The following SCAPER variants were observed in gnomAD, a reference collection of about 807,000 sequenced individuals.
SCAPER encodes the protein S phase cyclin A-associated protein in the endoplasmic reticulum.
A neutral mutation model predicts 182.2 loss-of-function variants in SCAPER; 98 were observed. That is an observed-to-expected ratio of 0.54 (90% CI 0.46 to 0.64). SCAPER has a LOEUF of 0.64. SCAPER is among the 30% of genes least tolerant of loss of function. The probability of loss-of-function intolerance (pLI) is 0.00; values close to 1 mark genes in which losing one functional copy is unlikely to be tolerated. For missense variants in SCAPER, 1,432 were observed against 1,690.0 expected (o/e 0.85, Z 2.68); for synonymous variants, 605 against 564.6 (o/e 1.07, Z -1.01).
chr15:76,362,036 A>T (rs924428124), intron 29 of SCAPER, among the ~76,000 whole-genome samples: 3 of 151,396 alleles, frequency 2.0e-5, no homozygotes, highest in Non-Finnish European at 4.4e-5. Flanking sequence ...TGCAATGTGC[A>T]ATCTCTGCTC....
chr15:76,501,330 A>C (rs1199552995), intron 24 of SCAPER, among the ~76,000 whole-genome samples: 1 of 146,266 alleles, frequency 6.8e-6, no homozygotes, highest in African/African-American at 2.5e-5. Flanking sequence ...AGTAGGTATA[A>C]CTCTCAATTT....
At chr15:76,821,830 AC>A (rs2067586019) in intron 5 of SCAPER, among the ~76,000 whole-genome samples, 1 of 152,072 alleles carries the variant, frequency 6.6e-6, no homozygotes, top group African/African-American at 2.4e-5. Context: ...AATTTCTTGA[AC>A]CCAGGAATTT....
chr15:76,577,802 CCTT>C (rs1353191213), intron 22 of SCAPER, among the ~76,000 whole-genome samples: 1 of 151,912 alleles, frequency 6.6e-6, no homozygotes, highest in Non-Finnish European at 1.5e-5. Flanking sequence ...GGGAGAGACT[CCTT>C]CTGCTTGAGA....
At chr15:76,717,682 C>A (rs1331375767) in intron 17 of SCAPER, among the ~76,000 whole-genome samples, 2 of 151,772 alleles carry the variant, frequency 1.3e-5, no homozygotes, top group South Asian at 2.1e-4. Flanking sequence ...AAAACTATAG[C>A]AAATATACAA....
chr15:76,825,224 T>A (rs1426572783), intron 5 of SCAPER, among the ~76,000 whole-genome samples: 1 of 152,210 alleles, frequency 6.6e-6, no homozygotes. Flanking sequence ...CCTCTTCATT[T>A]ATGAACACAA....
intron 27 of SCAPER, among the ~76,000 whole-genome samples, chr15:76,403,262 T>C (rs1012516418): frequency 2.6e-5 from 4 of 152,204 alleles, no homozygotes; most frequent in African/African-American, 9.7e-5. Flanking sequence ...CTGTGTACTA[T>C]GGTACTACCT....
chr15:76,646,057 A>G (rs2054518670), intron 21 of SCAPER, among the ~76,000 whole-genome samples: 1 of 152,166 alleles, frequency 6.6e-6, no homozygotes, highest in African/African-American at 2.4e-5. Context: ...TGTAAATTTA[A>G]CACAGACCTG....
chr15:76,536,402 C>A (rs1053097432), intron 23 of SCAPER, among the ~76,000 whole-genome samples: 1 of 152,134 alleles, frequency 6.6e-6, no homozygotes, highest in African/African-American at 2.4e-5. Flanking sequence ...CTGCCACTTG[C>A]GGTGTGACCT....
intron 4 of SCAPER, among the ~76,000 whole-genome samples, chr15:76,848,323 G>GTT (rs60859623): frequency 2.3e-5 from 3 of 132,346 alleles, no homozygotes; most frequent in Admixed American, 7.2e-5. Flanking sequence ...TTTTTTTGGG[G>GTT]TTTTTTTTTT....
intron 4 of SCAPER, among the ~76,000 whole-genome samples, chr15:76,852,726 C>T (rs1345002678): frequency 1.3e-5 from 2 of 152,292 alleles, no homozygotes; most frequent in South Asian, 2.1e-4. Context: ...TAAACACCCA[C>T]ATCAAAAAGT....
At position 76,434,156 on chromosome 15, in the gene SCAPER, G is replaced by C; in HGVS notation, c.3233C>G (p.Pro1078Arg). Reference protein sequence around the residue: ...RPDGNCQPATPKIPTQEMKNK... With the variant: ...RPDGNCQPATRKIPTQEMKNK... ...TTTCATTTCCTGTGTTGGTATTTTTGGGGTAGCTGGCTGGCAGTTTCCATC... is the reference window on the plus strand; with the variant it reads ...TTTCATTTCCTGTGTTGGTATTTTTCGGGTAGCTGGCTGGCAGTTTCCATC... Residue 1078 changes from proline to arginine, a missense_variant, in exon 26 of 32, where the codon CCA becomes CGA. Physicochemically the swap from Pro to Arg is moderately radical, Grantham distance 103. This residue lies in a region of SCAPER where 718 missense variants were observed against 799.7 expected (regional missense o/e 0.90). Coordinates refer to ENST00000563290, the MANE Select transcript of SCAPER (RefSeq NM_020843.4). 6.2e-7 allele frequency: 1 copy of C among 1,613,932 alleles called. No individual in the cohort carries two copies. The highest frequency in any genetic ancestry group is 1.6e-4 in the Middle Eastern group (1 of 6,062).
intron 20 of SCAPER, among the ~76,000 whole-genome samples, chr15:76,678,202 C>A (rs894688162): frequency 2.6e-5 from 4 of 151,274 alleles, no homozygotes; most frequent in South Asian, 2.1e-4. Context: ...CAGAGTTTTT[C>A]AAAAAAAATT....
At chr15:76,515,579 A>G (rs959272027) in intron 23 of SCAPER, among the ~76,000 whole-genome samples, 1 of 152,216 alleles carries the variant, frequency 6.6e-6, no homozygotes, top group African/African-American at 2.4e-5. Context: ...AGCAGCTCCC[A>G]GGAGGCAGGA....
At chr15:76,758,910 CTGATTCTTAAGCA>C in intron 14 of SCAPER, among the ~76,000 whole-genome samples, 1 of 152,260 alleles carries the variant, frequency 6.6e-6, no homozygotes, top group South Asian at 2.1e-4. Context: ...GAAAACCCCA[CTGATTCTTAAGCA>C]TGTTGATTTT....
chr15:76,808,922 G>C (rs1362163144), intron 5 of SCAPER, among the ~76,000 whole-genome samples: 1 of 152,170 alleles, frequency 6.6e-6, no homozygotes, highest in Non-Finnish European at 1.5e-5. Context: ...CCAGCTCCTA[G>C]CTTCTCCCTG....
At chr15:76,655,906 T>C (rs2055593639) in intron 21 of SCAPER, among the ~76,000 whole-genome samples, 1 of 151,980 alleles carries the variant, frequency 6.6e-6, no homozygotes, top group Admixed American at 6.6e-5. Flanking sequence ...CCTTAAGAGA[T>C]AGTGGAAATA....
intron 9 of SCAPER, among the ~76,000 whole-genome samples, chr15:76,773,625 A>G (rs2063585485): frequency 6.6e-6 from 1 of 151,952 alleles, no homozygotes; most frequent in Non-Finnish European, 1.5e-5. Flanking sequence ...ATACTGCCCA[A>G]AAGGAATCTG....
At chr15:76,765,712 G>A (rs984967489) in intron 11 of SCAPER, 74 bp from the exon 12 acceptor site, 26 of 1,187,634 alleles carry the variant, frequency 2.2e-5, no homozygotes, top group Non-Finnish European at 3.1e-5. Context: ...AACTATACAT[G>A]AAAATGTCCT....
At chr15:76,756,197 T>C (rs1168268750) in intron 14 of SCAPER, among the ~76,000 whole-genome samples, 2 of 138,356 alleles carry the variant, frequency 1.4e-5, no homozygotes. Flanking sequence ...TGAGCCGAGA[T>C]TGTGCCACAG....
Sources: gnomAD v4.1 joint callset for allele counts (sites outside exome capture counted in the v4.1 genomes callset) on GRCh38, gnomAD v4.1.1 for gene constraint, gnomAD v4.1.1 regional missense constraint, MANE v1.5 for transcripts, NCBI Gene and HGNC (gene_info 2026-07-23, HGNC 2026-07-21) for gene names.